BANP: variants seen among roughly 807,000 people sequenced by gnomAD.
BANP encodes protein BANP.
Under a neutral mutation model 68.1 loss-of-function variants are expected in BANP, and 11 were observed. The ratio of observed to expected loss-of-function variants is 0.16; its 90% confidence interval spans 0.10 to 0.27. BANP has a LOEUF of 0.27. Among genes scored for constraint, BANP ranks in the 10% least tolerant of loss-of-function variants. The pLI, the probability that BANP is intolerant of heterozygous loss-of-function variation, is 1.00. For synonymous variants in BANP, 329 were observed against 303.2 expected, an observed-to-expected ratio of 1.09 and a Z score of -0.88; for missense variants, 504 against 722.7, an observed-to-expected ratio of 0.70 and a Z score of 3.47.
chr16:88,042,734 A>G (rs1009713140), intron 11 of BANP, among the ~76,000 whole-genome samples: 5 of 151,858 alleles, frequency 3.3e-5, no homozygotes, highest in African/African-American at 9.6e-5. Flanking sequence ...CCTGGGCAAC[A>G]TAGCGAGACC....
intron 12 of BANP, among the ~76,000 whole-genome samples, chr16:88,069,103 C>T (rs2089620537): frequency 6.6e-6 from 1 of 152,200 alleles, no homozygotes. Flanking sequence ...GTCCAGAAGC[C>T]TCAGTGTTCT....
In BANP at chr16:87,963,179, C is replaced by T. The variant is rs115864229; in HGVS notation, c.-69+11664C>T. On this transcript the variant is annotated intron_variant, in intron 1 of 13. Coordinates refer to ENST00000682872, the MANE Select transcript of BANP (RefSeq NM_001386991.1). ...CCGTCTGAGGAGAAGGGCGCCAGGACGATCTGGGGATGGGCTGGGAGCTTG... is the reference window on the plus strand; with the variant it reads ...CCGTCTGAGGAGAAGGGCGCCAGGATGATCTGGGGATGGGCTGGGAGCTTG... Among the ~76,000 whole-genome samples the T allele has an allele frequency of 3.1e-3, 472 of 152,236 alleles. 4 individuals carry two copies. The highest frequency in any genetic ancestry group is 0.011 in the African/African-American group (450 of 41,524).
chr16:88,044,155 A>T (rs1486228385), intron 11 of BANP, among the ~76,000 whole-genome samples: 1 of 152,046 alleles, frequency 6.6e-6, no homozygotes, highest in Non-Finnish European at 1.5e-5. Context: ...ATAAAGGCCA[A>T]CTCGCATTCT....
intron 3 of BANP, among the ~76,000 whole-genome samples, chr16:87,981,731 G>T (rs1271149787): frequency 6.6e-6 from 1 of 152,178 alleles, no homozygotes; most frequent in African/African-American, 2.4e-5. Context: ...ACACCTGCAG[G>T]CCCATTTTGG....
intron 8 of BANP, 43 bp downstream of exon 8, chr16:88,027,693 G>A (rs756412373): frequency 3.7e-6 from 6 of 1,608,234 alleles, no homozygotes; most frequent in Non-Finnish European, 4.2e-6. Context: ...CCCCGCTCGG[G>A]GCAGCTGGCC....
chr16:88,060,626 GC>G lies in BANP; in HGVS notation c.1312-4640del, dbSNP rs2086475461. On this transcript the variant is annotated intron_variant, in intron 11 of 13. Coordinates refer to ENST00000682872, the MANE Select transcript of BANP (RefSeq NM_001386991.1). ...GGTGCCATCTGGAGGGTGCGTGGAG[GC>G]ACGTGGAGGTGGCCTCTTTCTGTGG... Among the ~76,000 whole-genome samples, 7 of 152,342 alleles carry G rather than the reference GC, an allele frequency of 4.6e-5. No homozygotes were observed. In the South Asian group the frequency reaches 1.4e-3, roughly 32 times the overall value.
At chr16:88,040,680 A>C (rs1297800663) in intron 11 of BANP, among the ~76,000 whole-genome samples, 1 of 152,216 alleles carries the variant, frequency 6.6e-6, no homozygotes, top group Non-Finnish European at 1.5e-5. Context: ...AGCATCCTTC[A>C]TGTGACACTG....
chr16:87,988,465 C>T (rs1240158745), intron 4 of BANP, among the ~76,000 whole-genome samples: 4 of 151,838 alleles, frequency 2.6e-5, no homozygotes, highest in African/African-American at 9.7e-5. Context: ...TGGGGTTTCA[C>T]CATGTTTGTC....
chr16:87,995,376 G>A (rs2066918074), intron 4 of BANP, among the ~76,000 whole-genome samples: 1 of 152,188 alleles, frequency 6.6e-6, no homozygotes, highest in South Asian at 2.1e-4. Context: ...CGGTCCTTGT[G>A]TGTTATGTAG....
chr16:88,044,653 C>T (rs1482163601), intron 11 of BANP, among the ~76,000 whole-genome samples: 1 of 152,184 alleles, frequency 6.6e-6, no homozygotes, highest in Non-Finnish European at 1.5e-5. Flanking sequence ...TCGGTGTGCA[C>T]CACTTCACCT....
chr16:88,006,947 C>CAAAAAAAAAAAAAAAAAAAAA, intron 6 of BANP, among the ~76,000 whole-genome samples: 1 of 81,676 alleles, frequency 1.2e-5, no homozygotes, highest in Non-Finnish European at 2.3e-5. Context: ...GACTCTGTCT[C>CAAAAAAAAAAAAAAAAAAAAA]AAAAAAAAAA....
chr16:88,067,261 A>G (rs1481054409), intron 12 of BANP, among the ~76,000 whole-genome samples: 1 of 152,032 alleles, frequency 6.6e-6, no homozygotes, highest in Non-Finnish European at 1.5e-5. Flanking sequence ...AGGGGGTCAG[A>G]GCCGCTGGGC....
intron 6 of BANP, among the ~76,000 whole-genome samples, chr16:88,014,343 C>A (rs557970019): frequency 6.6e-6 from 1 of 151,898 alleles, no homozygotes; most frequent in South Asian, 2.1e-4. Context: ...GCGGCTGCCC[C>A]GACACTGCCT....
At chr16:88,066,244 C>T (rs1350373095) in intron 12 of BANP, among the ~76,000 whole-genome samples, 4 of 152,218 alleles carry the variant, frequency 2.6e-5, no homozygotes, top group East Asian at 3.8e-4. Flanking sequence ...GGTTCACCAA[C>T]GTGGAACTGA....
At chr16:87,995,436 G>A (rs1431671294) in intron 4 of BANP, among the ~76,000 whole-genome samples, 1 of 152,190 alleles carries the variant, frequency 6.6e-6, no homozygotes, top group African/African-American at 2.4e-5. Context: ...AGGTACTGGA[G>A]TTTAAAAGAA....
intron 9 of BANP, among the ~76,000 whole-genome samples, 179 bp downstream of exon 9, chr16:88,033,424 C>T (rs761411643): frequency 2.0e-5 from 3 of 152,132 alleles, no homozygotes; most frequent in Non-Finnish European, 4.4e-5. Context: ...TAACATTTCA[C>T]AGGTGGGGGC....
intron 11 of BANP, among the ~76,000 whole-genome samples, chr16:88,062,157 T>C (rs182796300): frequency 1.1e-4 from 17 of 152,314 alleles, no homozygotes; most frequent in Admixed American, 9.8e-4. Flanking sequence ...TCCACACACT[T>C]CAGCAGTGTT....
At chr16:87,970,981 C>T (rs1013371930) in intron 1 of BANP, among the ~76,000 whole-genome samples, 4 of 150,446 alleles carry the variant, frequency 2.7e-5, no homozygotes, top group African/African-American at 9.8e-5. Flanking sequence ...CCTGCCACTG[C>T]ACTCTGGCCT....
chr16:88,037,612 C>T (rs1193190679), intron 10 of BANP: 11 of 294,088 alleles, frequency 3.7e-5, no homozygotes, highest in African/African-American at 1.6e-4. Context: ...CGTCCCCCTT[C>T]GGGGAAGCTG....
Sources: gnomAD v4.1 joint callset for allele counts (sites outside exome capture counted in the v4.1 genomes callset) on GRCh38, gnomAD v4.1.1 for gene constraint, MANE v1.5 for transcripts, NCBI Gene and HGNC (gene_info 2026-07-23, HGNC 2026-07-21) for gene names.